Variants in ADRM1 observed in about 807,000 individuals in gnomAD.
ADRM1 encodes proteasomal ubiquitin receptor ADRM1.
Under a neutral mutation model 40.1 loss-of-function variants are expected in ADRM1, and 2 were observed. That is an observed-to-expected ratio of 0.05 (90% CI 0.02 to 0.16). The LOEUF is 0.16. Ranked by LOEUF, ADRM1 falls within the 10% of genes least tolerant of loss-of-function variation. The pLI is 1.00. For missense variants in ADRM1, 467 were observed against 552.5 expected, an observed-to-expected ratio of 0.85 and a Z score of 1.55; for synonymous variants, 287 against 240.4, an observed-to-expected ratio of 1.19 and a Z score of -1.79.
Position 62,303,619 on chromosome 20 carries a change from C to A in ADRM1, c.51C>A (p.Gly17=). ...LFPSLVPGSR[G]ASNKYLVEFR... ...CAAGCCTGGTGCCAGGCTCTCGGGG[C>A]GCCTCCAACAAGTACTTGGTGGAGT... The change falls in exon 2 of 10, where the codon GGC becomes GGA. Residue 17 remains glycine (G), a synonymous_variant. Coordinates refer to ENST00000253003, the MANE Select transcript of ADRM1 (RefSeq NM_007002.4). 1 of 1,605,756 alleles carries A rather than the reference C, an allele frequency of 6.2e-7. No homozygotes were observed. Among genetic ancestry groups the A allele is most frequent in the Non-Finnish European group, 8.5e-7 (1 of 1,177,558 alleles).
chr20:62,307,981 A>C (rs1985384937), intron 7 of ADRM1, 40 bp from the exon 8 acceptor site: 2 of 1,591,772 alleles, frequency 1.3e-6, no homozygotes, highest in South Asian at 2.2e-5. Context: ...GTGGGCACTT[A>C]GGCTGTCATC....
At chr20:62,306,162 C>T in intron 3 of ADRM1, 35 bp from the exon 4 acceptor site, 5 of 1,592,312 alleles carry the variant, frequency 3.1e-6, no homozygotes, top group Non-Finnish European at 4.3e-6. Flanking sequence ...TGAGCTGGCG[C>T]CAGCTCCTGC....
chr20:62,308,314 G>C (rs1306530230), intron 8 of ADRM1, 54 bp from the exon 9 acceptor site: 3 of 1,554,060 alleles, frequency 1.9e-6, no homozygotes, highest in Non-Finnish European at 1.7e-6. Context: ...GAGCAGTGTG[G>C]CTCTGGGGTG....
intron 4 of ADRM1, 64 bp from the exon 5 acceptor site, chr20:62,306,584 C>A: frequency 6.7e-7 from 1 of 1,488,264 alleles, no homozygotes; most frequent in Non-Finnish European, 9.1e-7. Context: ...GAGGCGCAGG[C>A]AGTGCGGTGG....
In ADRM1 at chr20:62,307,832, A is replaced by G. The variant is rs2427278; in HGVS notation, c.856+4A>G. On this transcript the variant is annotated splice_donor_region_variant and intron_variant, in intron 7 of 9. Coordinates refer to ENST00000253003, the MANE Select transcript of ADRM1 (RefSeq NM_007002.4). The stretch of plus-strand genomic sequence containing the variant: ...GGGCCAGCAGGCGGCCAGCAAGGTA[A>G]CGTGTGCTGTCGCCTGGAGCTGGGT... The G allele has an allele frequency of 0.97, 1,554,752 of 1,599,530 alleles. 756,144 individuals carry two copies. Among genetic ancestry groups the G allele is most frequent in the South Asian group, 0.99 (88,817 of 89,624 alleles).
rs772628898 is a variant in ADRM1, at chr20:62,308,028, G to A, written c.864G>A (p.Leu288=). ...AGPAGGQQVD[L]ASVLTPEIMA... is the part of the protein sequence containing the mutation. ...CGTGTTCTTGTGCCCCAGTGGACCT[G>A]GCCAGTGTGCTGACGCCGGAGATAA... Residue 288 remains leucine, a synonymous_variant, in exon 8 of 10, where the codon CTG becomes CTA. Transcript: ENST00000253003. 2.5e-6 allele frequency: 4 copies of A among 1,609,706 alleles called. No individual in the cohort carries two copies. In the South Asian group the frequency reaches 3.3e-5, roughly 13 times the overall value.
intron 2 of ADRM1, chr20:62,304,192 T>A (rs559167532): frequency 2.1e-5 from 11 of 515,396 alleles, no homozygotes; most frequent in Non-Finnish European, 3.9e-5. Flanking sequence ...TTTTAACTAC[T>A]CTGGGAATGT....
At position 62,308,416 on chromosome 20, in the gene ADRM1, C is replaced by G. The variant is rs1339851200; in HGVS notation, c.1063C>G (p.Leu355Val). The change falls in exon 9 of 10, where the codon CTC (leucine) becomes GTC (valine). Residue 355 changes from leucine to valine, a missense_variant. Physicochemically the swap from Leu to Val is conservative, Grantham distance 32. This residue lies in a region of ADRM1 where 418 missense variants were observed against 474.6 expected (regional missense o/e 0.88). Coordinates refer to ENST00000253003, the MANE Select transcript of ADRM1 (RefSeq NM_007002.4). ...CTTGGCCTCGGGGCAGCTGGGCCCC[C>G]TCATGTGCCAGTTCGGTCTGCCTGC... ...AALASGQLGP[L>V]MCQFGLPAEA... is the part of the protein sequence containing the mutation. 1 of 1,609,882 alleles carries G rather than the reference C, an allele frequency of 6.2e-7. No individual in the cohort carries two copies. The highest frequency in any genetic ancestry group is 1.1e-5 in the South Asian group (1 of 90,292).
intron 3 of ADRM1, 111 bp downstream of exon 3, chr20:62,304,688 C>T: frequency 8.6e-6 from 9 of 1,046,504 alleles, no homozygotes; most frequent in Non-Finnish European, 1.2e-5. Flanking sequence ...GCCGGCCACA[C>T]CCGGCCACAC....
intron 2 of ADRM1, 75 bp downstream of exon 2, chr20:62,303,856 G>GT: frequency 6.7e-7 from 1 of 1,490,124 alleles, no homozygotes; most frequent in Non-Finnish European, 9.2e-7. Context: ...GGAGTTCGCG[G>GT]TGGGGGCTTG....
Position 62,307,587 on chromosome 20 carries a change from T to TC in ADRM1, c.624-8dup. On this transcript the variant is annotated splice_polypyrimidine_tract_variant and intron_variant, in intron 6 of 9. Transcript: ENST00000253003. ...GTGTCCGCTCCAGCGGTGCCCTCTCTCTTCGCAGCTCCCGGAGCCAGTCGG... is the reference window on the plus strand; with the variant it reads ...GTGTCCGCTCCAGCGGTGCCCTCTCTCCTTCGCAGCTCCCGGAGCCAGTCGG... 6.2e-7 allele frequency: 1 copy of TC among 1,608,922 alleles called. No homozygotes were observed. Among genetic ancestry groups the TC allele is most frequent in the Non-Finnish European group, 8.5e-7 (1 of 1,178,980 alleles).
At chr20:62,308,334 T>G in intron 8 of ADRM1, 34 bp from the exon 9 acceptor site, 1 of 1,569,774 alleles carries the variant, frequency 6.4e-7, no homozygotes, top group Non-Finnish European at 8.6e-7. Flanking sequence ...GCAGCCCGGG[T>G]TGGAGCTCAG....
At position 62,308,780 on chromosome 20, in the gene ADRM1, A is replaced by G. The variant is rs777003576; in HGVS notation, c.*19A>G. On this transcript the variant is annotated 3_prime_UTR_variant, in exon 10 of 10. Transcript: ENST00000253003. ...GGACTGAGCCACGCGCCGTCCTCCG[A>G]GGAACTGGGCGCTTGCAGTGCGTTG... 6.2e-7 allele frequency: 1 copy of G among 1,612,152 alleles called. No homozygotes were observed. The highest frequency in any genetic ancestry group is 8.5e-7 in the Non-Finnish European group (1 of 1,179,664).
chr20:62,306,990 G>A (rs1472111016), intron 5 of ADRM1, among the ~76,000 whole-genome samples: 1 of 152,132 alleles, frequency 6.6e-6, no homozygotes, highest in African/African-American at 2.4e-5. Context: ...TGGGGCTGGA[G>A]GACTGGAGGG....
intron 2 of ADRM1, chr20:62,304,182 T>G: frequency 2.0e-6 from 1 of 503,378 alleles, no homozygotes; most frequent in Non-Finnish European, 3.6e-6. Context: ...AGCGTTGACT[T>G]TTTAACTACT....
At chr20:62,304,172 A>ACATTTGAGAGCAGTTCG in intron 2 of ADRM1, 1 of 497,148 alleles carries the variant, frequency 2.0e-6, no homozygotes, top group South Asian at 2.2e-5. Flanking sequence ...AGAGCAGTTC[A>ACATTTGAGAGCAGTTCG]GCGTTGACTT....
At chr20:62,308,563 A>G in intron 9 of ADRM1, 92 bp from the exon 10 acceptor site, 2 of 1,561,616 alleles carry the variant, frequency 1.3e-6, no homozygotes, top group Non-Finnish European at 1.7e-6. Flanking sequence ...GAGGGGGTAA[A>G]GGTCACAGCC....
chr20:62,305,045 G>C (rs1039442070), intron 3 of ADRM1, among the ~76,000 whole-genome samples: 1 of 152,256 alleles, frequency 6.6e-6, no homozygotes, highest in Non-Finnish European at 1.5e-5. Flanking sequence ...CTTACCCACA[G>C]CTGCAGAGCG....
At position 62,306,589 on chromosome 20, in the gene ADRM1, C is replaced by T. The variant is rs986735180; in HGVS notation, c.455-59C>T. The T allele has an allele frequency of 5.2e-5, 79 of 1,511,736 alleles. 1 individual carries two copies. The highest frequency in any genetic ancestry group is 2.8e-4 in the African/African-American group (20 of 72,720). The allele number at this position is 1,511,736 out of a possible 1,614,324, so 93.6% of individuals were successfully genotyped here. A position where few individuals can be genotyped will look rare whatever the true frequency, so the allele number is the denominator to read the frequency against. On this transcript the variant is annotated intron_variant, in intron 4 of 9. Coordinates refer to ENST00000253003, the MANE Select transcript of ADRM1 (RefSeq NM_007002.4). ...GTGCTCAGCAGAGGCGCAGGCAGTG[C>T]GGTGGGGCCCGCGTGGATCTGGCTG... is the stretch of plus-strand genomic sequence containing the variant.
Sources: gnomAD v4.1 joint callset for allele counts (sites outside exome capture counted in the v4.1 genomes callset) on GRCh38, gnomAD v4.1.1 for gene constraint, gnomAD v4.1.1 regional missense constraint, MANE v1.5 for transcripts, NCBI Gene and HGNC (gene_info 2026-07-23, HGNC 2026-07-21) for gene names.